The following DLC1 variants were observed in gnomAD, a reference collection of about 807,000 sequenced individuals.
DLC1 encodes rho GTPase-activating protein 7.
A neutral mutation model predicts 140.3 loss-of-function variants in DLC1; 54 were observed. The observed-to-expected ratio is 0.38, with a 90% CI of 0.31 to 0.48. The LOEUF (loss-of-function observed/expected upper bound fraction) is 0.48. Among genes scored for constraint, DLC1 ranks in the 20% least tolerant of loss-of-function variants. The probability of loss-of-function intolerance (pLI) is 0.96; values close to 1 mark genes in which losing one functional copy is unlikely to be tolerated. For synonymous variants in DLC1, 986 were observed against 728.1 expected (o/e 1.35, Z -5.70); for missense variants, 2,536 against 1,907.0 (o/e 1.33, Z -6.14).
intron 2 of DLC1, among the ~76,000 whole-genome samples, chr8:13,429,356 G>A (rs1331795380): frequency 2.6e-5 from 4 of 152,192 alleles, no homozygotes; most frequent in African/African-American, 9.6e-5. Flanking sequence ...ATAAACTGTT[G>A]AGTTTTATGC....
chr8:13,556,920 AC>A (rs1454075338), intron 1 of DLC1, among the ~76,000 whole-genome samples: 2 of 152,232 alleles, frequency 1.3e-5, no homozygotes, highest in East Asian at 3.9e-4. Context: ...GAGAAGACAG[AC>A]TTTTTCCAGC....
chr8:13,094,173 C>G (rs1003566809), intron 12 of DLC1, among the ~76,000 whole-genome samples: 3 of 152,218 alleles, frequency 2.0e-5, no homozygotes, highest in African/African-American at 7.2e-5. Context: ...TCAGATAACA[C>G]TGTTCTAGAA....
intron 4 of DLC1, among the ~76,000 whole-genome samples, chr8:13,319,818 TCTC>T (rs1325822231): frequency 3.6e-4 from 20 of 55,620 alleles, no homozygotes; most frequent in African/African-American, 1.2e-3. Flanking sequence ...ATTCTCTCTC[TCTC>T]TTTTTTTTTT....
intron 5 of DLC1, among the ~76,000 whole-genome samples, chr8:13,171,399 T>C (rs920950625): frequency 6.6e-6 from 1 of 152,126 alleles, no homozygotes; most frequent in African/African-American, 2.4e-5. Flanking sequence ...TTTACTTATT[T>C]AGTGACAGGG....
intron 4 of DLC1, among the ~76,000 whole-genome samples, chr8:13,367,228 C>A (rs1245718242): frequency 6.6e-6 from 1 of 152,150 alleles, no homozygotes; most frequent in Non-Finnish European, 1.5e-5. Context: ...TAGATCTGAT[C>A]AGTTTTACAA....
Position 13,221,861 on chromosome 8 carries a change from T to A in DLC1, c.1348+83408A>T, listed in dbSNP as rs897507450. Among the ~76,000 whole-genome samples, 6 of 143,998 alleles carry A rather than the reference T, an allele frequency of 4.2e-5. 1 individual carries two copies. The highest frequency in any genetic ancestry group is 7.6e-5 in the African/African-American group (3 of 39,546). The allele number at this position is 143,998 out of a possible 152,430, so 94.5% of individuals were successfully genotyped here. On this transcript the variant is annotated intron_variant, in intron 5 of 17. Coordinates refer to ENST00000276297, the MANE Select transcript of DLC1 (RefSeq NM_182643.3). ...ATTAATATAAAATATATTAATATAT[T>A]AATAAAATATATTAATACATTAATA...
At chr8:13,440,964 A>G (rs1478626201) in intron 2 of DLC1, among the ~76,000 whole-genome samples, 1 of 152,096 alleles carries the variant, frequency 6.6e-6, no homozygotes, top group Non-Finnish European at 1.5e-5. Flanking sequence ...TGCTATTTTC[A>G]TGAGCACTGC....
At chr8:13,567,343 G>C in intron 1 of DLC1, 1 of 1,551,660 alleles carries the variant, frequency 6.4e-7, no homozygotes, top group Middle Eastern at 1.7e-4. Context: ...ATCAGATGAA[G>C]AATTGAATGC....
intron 5 of DLC1, among the ~76,000 whole-genome samples, chr8:13,271,877 C>T (rs1013247148): frequency 2.0e-5 from 3 of 152,168 alleles, no homozygotes; most frequent in African/African-American, 7.2e-5. Flanking sequence ...AGGTCTTGCT[C>T]TGTTACCCAG....
chr8:13,148,329 T>G (rs1823579250), intron 5 of DLC1, among the ~76,000 whole-genome samples: 1 of 152,188 alleles, frequency 6.6e-6, no homozygotes, highest in Non-Finnish European at 1.5e-5. Context: ...GTTCCCTTCT[T>G]TGTGTCCATA....
chr8:13,243,032 A>T (rs1829609534), intron 5 of DLC1, among the ~76,000 whole-genome samples: 1 of 151,768 alleles, frequency 6.6e-6, no homozygotes, highest in Non-Finnish European at 1.5e-5. Flanking sequence ...GGTTGTTTAA[A>T]AGTGTGTAGC....
chr8:13,513,492 C>T (rs1393415349), intron 1 of DLC1, among the ~76,000 whole-genome samples: 1 of 152,048 alleles, frequency 6.6e-6, no homozygotes, highest in Non-Finnish European at 1.5e-5. Context: ...ACAGTTACTT[C>T]ATTTCTTATG....
intron 1 of DLC1, chr8:13,566,803 C>G (rs1255355622): frequency 9.8e-6 from 7 of 715,484 alleles, no homozygotes; most frequent in African/African-American, 1.8e-5. Context: ...CGGGACGCCG[C>G]ATGGTGGCCA....
At chr8:13,312,582 T>C (rs1354703157) in intron 4 of DLC1, among the ~76,000 whole-genome samples, 1 of 151,972 alleles carries the variant, frequency 6.6e-6, no homozygotes, top group Non-Finnish European at 1.5e-5. Context: ...ATTTAATAAA[T>C]CATGTCTTTC....
At chr8:13,146,382 C>G (rs542936339) in intron 5 of DLC1, among the ~76,000 whole-genome samples, 77 of 151,682 alleles carry the variant, frequency 5.1e-4, no homozygotes, top group African/African-American at 1.7e-3. Context: ...ACTAGTTACC[C>G]TCTATTGTAG....
chr8:13,282,044 A>G (rs1485719694), intron 5 of DLC1, among the ~76,000 whole-genome samples: 1 of 152,192 alleles, frequency 6.6e-6, no homozygotes, highest in Admixed American at 6.5e-5. Context: ...AGAAGTGGAT[A>G]TCAGAATTAC....
chr8:13,115,438 G>A (rs962385028), intron 6 of DLC1, 148 bp downstream of exon 6: 3 of 713,926 alleles, frequency 4.2e-6, no homozygotes, highest in Admixed American at 3.4e-5. Context: ...TGTTTTCAGC[G>A]GTGGGGGTCT....
At chr8:13,183,629 C>T (rs775224767) in intron 5 of DLC1, among the ~76,000 whole-genome samples, 48 of 151,926 alleles carry the variant, frequency 3.2e-4, no homozygotes, top group African/African-American at 4.6e-4. Flanking sequence ...TATTGATTTG[C>T]GTATGTTGAA....
intron 5 of DLC1, among the ~76,000 whole-genome samples, chr8:13,170,417 T>A (rs918008464): frequency 6.6e-6 from 1 of 152,332 alleles, no homozygotes; most frequent in East Asian, 1.9e-4. Flanking sequence ...ACATTACTTA[T>A]CTCAGAAAAG....
Sources: gnomAD v4.1 joint callset for allele counts (sites outside exome capture counted in the v4.1 genomes callset) on GRCh38, gnomAD v4.1.1 for gene constraint, MANE v1.5 for transcripts, NCBI Gene and HGNC (gene_info 2026-07-23, HGNC 2026-07-21) for gene names.